The following GBE1 variants were observed in gnomAD, a reference collection of about 807,000 sequenced individuals.
GBE1 encodes 1,4-alpha-glucan-branching enzyme.
In GBE1, 70 loss-of-function variants were observed where a neutral mutation model predicts 88.8. The ratio of observed to expected loss-of-function variants is 0.79; its 90% CI spans 0.65 to 0.96. The LOEUF is 0.96. Among genes scored for constraint, GBE1 ranks in the 40% least tolerant of loss-of-function variants. The pLI, the probability that GBE1 is intolerant of heterozygous loss-of-function variation, is 0.00. For missense variants in GBE1, 872 were observed against 871.0 expected, an observed-to-expected ratio of 1.00 and a Z score of -0.01; for synonymous variants, 284 against 300.1, an observed-to-expected ratio of 0.95 and a Z score of 0.56.
intron 7 of GBE1, among the ~76,000 whole-genome samples, chr3:81,635,989 A>T (rs1004264453): frequency 5.9e-5 from 9 of 152,156 alleles, no homozygotes; most frequent in Non-Finnish European, 1.0e-4. Flanking sequence ...GCTTGTGGGG[A>T]ATAAACGAGG....
At chr3:81,656,877 C>T (rs749464696) in intron 3 of GBE1, among the ~76,000 whole-genome samples, 1 of 151,884 alleles carries the variant, frequency 6.6e-6, no homozygotes, top group African/African-American at 2.4e-5. Flanking sequence ...GAATTTGTGC[C>T]CGGGTGTGTG....
intron 3 of GBE1, among the ~76,000 whole-genome samples, chr3:81,670,627 C>T (rs547972149): frequency 4.6e-5 from 7 of 152,128 alleles, no homozygotes; most frequent in Non-Finnish European, 7.4e-5. Context: ...AATAATACAA[C>T]TAAGTTTGGT....
chr3:81,698,055 T>G, intron 2 of GBE1, among the ~76,000 whole-genome samples: 1 of 147,192 alleles, frequency 6.8e-6, no homozygotes, highest in South Asian at 2.1e-4. Flanking sequence ...TAGTTTTATA[T>G]ATATATATGT....
intron 12 of GBE1, among the ~76,000 whole-genome samples, chr3:81,569,339 C>T (rs1210258171): frequency 6.6e-6 from 1 of 152,024 alleles, no homozygotes. Flanking sequence ...TGAAATATGC[C>T]ATTTAAAAAG....
intron 10 of GBE1, among the ~76,000 whole-genome samples, chr3:81,583,883 A>G (rs1703764170): frequency 6.6e-6 from 1 of 152,100 alleles, no homozygotes; most frequent in South Asian, 2.1e-4. Context: ...ATACCTTTGC[A>G]AGAAGCTACC....
At chr3:81,496,128 A>C (rs559110038) in intron 15 of GBE1, among the ~76,000 whole-genome samples, 15 of 152,350 alleles carry the variant, frequency 9.8e-5, no homozygotes, top group African/African-American at 3.6e-4. Flanking sequence ...GGTATCAGGA[A>C]TCAAAATATA....
At chr3:81,713,920 A>G (rs1227606456) in intron 1 of GBE1, among the ~76,000 whole-genome samples, 2 of 152,180 alleles carry the variant, frequency 1.3e-5, no homozygotes, top group Non-Finnish European at 2.9e-5. Flanking sequence ...ATCCAGTACT[A>G]TGCTAGTCAC....
At chr3:81,554,943 C>T (rs1486723486) in intron 12 of GBE1, among the ~76,000 whole-genome samples, 1 of 152,162 alleles carries the variant, frequency 6.6e-6, no homozygotes, top group Non-Finnish European at 1.5e-5. Context: ...GCTTCTATTG[C>T]TCCAGGTTCC....
chr3:81,627,037 G>A (rs28758947), intron 7 of GBE1, among the ~76,000 whole-genome samples: 22,074 of 152,150 alleles, frequency 0.15, 1,776 homozygotes, highest in Non-Finnish European at 0.2. Flanking sequence ...GGAACGAAGA[G>A]CTATAATAAA....
chr3:81,671,077 T>G, intron 2 of GBE1, 124 bp from the exon 3 acceptor site: 1 of 472,072 alleles, frequency 2.1e-6, no homozygotes. Flanking sequence ...AATTGTTTTC[T>G]GAAGTGTTAA....
At chr3:81,642,449 T>C (rs1704697135) in intron 7 of GBE1, 1 of 190,146 alleles carries the variant, frequency 5.3e-6, no homozygotes, top group Non-Finnish European at 1.1e-5. Context: ...TGTATTTCTC[T>C]AGTAAAAGGA....
At chr3:81,698,604 G>C (rs1346220379) in intron 2 of GBE1, among the ~76,000 whole-genome samples, 2 of 152,034 alleles carry the variant, frequency 1.3e-5, no homozygotes, top group Non-Finnish European at 2.9e-5. Context: ...TCCTGTCATA[G>C]TCATAGATCA....
chr3:81,552,538 A>ATG (rs2106896599), intron 12 of GBE1, among the ~76,000 whole-genome samples: 1 of 150,748 alleles, frequency 6.6e-6, no homozygotes, highest in Admixed American at 6.6e-5. Flanking sequence ...AAAAAAAAAA[A>ATG]AAAAAAAAGA....
At chr3:81,518,361 C>A (rs200554424) in intron 14 of GBE1, among the ~76,000 whole-genome samples, 1 of 92,094 alleles carries the variant, frequency 1.1e-5, no homozygotes, top group East Asian at 5.9e-4. Context: ...GGTCCCCCTT[C>A]AAGAAAAAAC....
chr3:81,728,616 T>C (rs1706143506), intron 1 of GBE1, among the ~76,000 whole-genome samples: 1 of 151,870 alleles, frequency 6.6e-6, no homozygotes, highest in African/African-American at 2.4e-5. Flanking sequence ...AAAAATATAT[T>C]CTAATTACTA....
chr3:81,720,067 A>G (rs2107188213), intron 1 of GBE1, among the ~76,000 whole-genome samples: 1 of 152,218 alleles, frequency 6.6e-6, no homozygotes, highest in East Asian at 1.9e-4. Context: ...AAAAATCCAC[A>G]TCTTTTGGAC....
intron 14 of GBE1, among the ~76,000 whole-genome samples, chr3:81,512,446 T>G (rs1377320383): frequency 1.3e-5 from 2 of 151,904 alleles, no homozygotes; most frequent in African/African-American, 4.8e-5. Context: ...TCTGTGCTTT[T>G]GAGTGTCAGA....
chr3:81,554,028 A>G (rs1703314469), intron 12 of GBE1, among the ~76,000 whole-genome samples: 1 of 152,188 alleles, frequency 6.6e-6, no homozygotes, highest in African/African-American at 2.4e-5. Flanking sequence ...TTTGCACACA[A>G]TGTTGTAAGA....
intron 1 of GBE1, among the ~76,000 whole-genome samples, chr3:81,738,471 T>G (rs910708211): frequency 1.3e-5 from 2 of 152,046 alleles, no homozygotes; most frequent in East Asian, 3.9e-4. Context: ...GGTATCTCAT[T>G]GTGGTTTTGA....
Sources: allele counts gnomAD v4.1 joint callset (sites outside exome capture counted in the v4.1 genomes callset), GRCh38; gene constraint gnomAD v4.1.1; transcripts MANE v1.5; gene names NCBI Gene and HGNC (gene_info 2026-07-23, HGNC 2026-07-21).